LRATD1: variants seen among roughly 807,000 people sequenced by gnomAD.
LRATD1 encodes protein LRATD1.
A neutral mutation model predicts 21.3 loss-of-function variants in LRATD1; 8 were observed. The observed-to-expected ratio is 0.38, with a 90% confidence interval of 0.22 to 0.68. The LOEUF is 0.68. Ranked by LOEUF, LRATD1 falls within the 30% of genes least tolerant of loss-of-function variation. The probability of loss-of-function intolerance (pLI) is 0.54; values close to 1 mark genes in which losing one functional copy is unlikely to be tolerated. For missense variants in LRATD1, 380 were observed against 404.0 expected (o/e 0.94, Z 0.51); for synonymous variants, 210 against 186.2 (o/e 1.13, Z -1.04).
Position 14,637,402 on chromosome 2 carries a change from G to A in LRATD1, c.*2544G>A, listed in dbSNP as rs1204746457. The A allele has an allele frequency of 1.8e-5, 3 of 167,112 alleles. No homozygotes were observed. 10.4% of individuals were successfully genotyped at this position (167,112 alleles called of 1,614,324 possible). A position where few individuals can be genotyped will look rare whatever the true frequency, so the allele number is the denominator to read the frequency against. Reference sequence around the variant, plus strand: ...GGTCACTCTCATAGAGGAATGTCTTGTCAGTTTTATACTTGCTGAGGCTAG... The same window carrying A: ...GGTCACTCTCATAGAGGAATGTCTTATCAGTTTTATACTTGCTGAGGCTAG... On this transcript the variant is annotated 3_prime_UTR_variant, in exon 2 of 2. Coordinates refer to ENST00000295092, the MANE Select transcript of LRATD1 (RefSeq NM_145175.4).
In LRATD1 at chr2:14,635,929, A is replaced by T. The variant is rs1671679245; in HGVS notation, c.*1071A>T. 6.8e-6 allele frequency: 2 copies of T among 294,360 alleles called. No individual in the cohort carries two copies. The highest frequency in any genetic ancestry group is 1.4e-5 in the Non-Finnish European group (2 of 140,346). The allele number at this position is 294,360 out of a possible 1,614,324, so 18.2% of individuals were successfully genotyped here. A position where few individuals can be genotyped will look rare whatever the true frequency, so the allele number is the denominator to read the frequency against. On this transcript the variant is annotated 3_prime_UTR_variant, in exon 2 of 2. Transcript: ENST00000295092. ...GCTGGGGAAGTGGAAATAAAGTTTT[A>T]AAAATGAGAGAGCAGTTTTCCAACT...
At position 14,634,792 on chromosome 2, in the gene LRATD1, T is replaced by A; in HGVS notation, c.813T>A (p.Arg271=). ...SLEDLIREKR[R]IDASGRLRVL... is the part of the protein sequence containing the mutation. ...AAGACCTCATCCGCGAGAAGCGCCGTATCGACGCCAGCGGCCGCCTGCGAG... is the reference window on the plus strand; with the variant it reads ...AAGACCTCATCCGCGAGAAGCGCCGAATCGACGCCAGCGGCCGCCTGCGAG... Residue 271 remains arginine (R), a synonymous_variant, in exon 2 of 2, where the codon CGT becomes CGA. Coordinates refer to ENST00000295092, the MANE Select transcript of LRATD1 (RefSeq NM_145175.4). 6.2e-7 allele frequency: 1 copy of A among 1,604,702 alleles called. No homozygotes were observed. The highest frequency in any genetic ancestry group is 8.5e-7 in the Non-Finnish European group (1 of 1,174,792).
At chr2:14,644,049 T>C (rs780813849), downstream of LRATD1, among the ~76,000 whole-genome samples, 9 of 152,130 alleles carry the variant, frequency 5.9e-5, no homozygotes, top group Non-Finnish European at 8.8e-5. Context: ...ATTAATGTCC[T>C]AGTGGGAGAT....
At position 14,633,850 on chromosome 2, in the gene LRATD1, G is replaced by T. The variant is rs1671609234; in HGVS notation, c.-36-94G>T. 1 of 1,221,882 alleles carries T rather than the reference G, an allele frequency of 8.2e-7. No homozygotes were observed. The highest frequency in any genetic ancestry group is 1.5e-5 in the South Asian group (1 of 65,060). 75.7% of individuals were successfully genotyped at this position (1,221,882 alleles called of 1,614,324 possible). A position where few individuals can be genotyped will look rare whatever the true frequency, so the allele number is the denominator to read the frequency against. On this transcript the variant is annotated intron_variant, in intron 1 of 1. Transcript: ENST00000295092. This position sits in a 1 kb window ranked among gnomAD's most constrained non-coding sequence, Gnocchi z 7.5. ...TCCGGTGAGGGCACGTAAGCTAGCC[G>T]GCAGGTCCCAGGGGCACTGCACGTC...
Position 14,637,881 on chromosome 2 carries a change from T to A in LRATD1, c.*3023T>A, listed in dbSNP as rs569841289. ...GAAAAGTTTCCTAACATTTTAATAA[T>A]GTTAGGGATTTCGTTTTGGTTTTAG... is the stretch of plus-strand genomic sequence containing the variant. On this transcript the variant is annotated 3_prime_UTR_variant, in exon 2 of 2. Coordinates refer to ENST00000295092, the MANE Select transcript of LRATD1 (RefSeq NM_145175.4). 2 of 167,144 alleles carry A rather than the reference T, an allele frequency of 1.2e-5. No individual in the cohort carries two copies. Among genetic ancestry groups the A allele is most frequent in the Non-Finnish European group, 2.9e-5 (2 of 68,080 alleles). The allele number at this position is 167,144 out of a possible 1,614,324, so 10.4% of individuals were successfully genotyped here.
At chr2:14,642,215 A>T (rs918209037), downstream of LRATD1, 1 of 152,796 alleles carries the variant, frequency 6.5e-6, no homozygotes, top group African/African-American at 2.4e-5. Context: ...TTAGAAAATA[A>T]GCTGGAATGA....
At position 14,635,507 on chromosome 2, in the gene LRATD1, A is replaced by T. The variant is rs150617072; in HGVS notation, c.*649A>T. 1.5e-5 allele frequency: 7 copies of T among 471,080 alleles called. No individual in the cohort carries two copies. The highest frequency in any genetic ancestry group is 7.0e-5 in the East Asian group (1 of 14,384). 29.2% of individuals were successfully genotyped at this position (471,080 alleles called of 1,614,324 possible). On this transcript the variant is annotated 3_prime_UTR_variant, in exon 2 of 2. Coordinates refer to ENST00000295092, the MANE Select transcript of LRATD1 (RefSeq NM_145175.4). ...ACATTGTGTTCCAGGCTGCGGGCTAAGCCAGACAGTGTTTGCCTCCGGTTC... is the reference window on the plus strand; with the variant it reads ...ACATTGTGTTCCAGGCTGCGGGCTATGCCAGACAGTGTTTGCCTCCGGTTC...
chr2:14,646,189 T>C (rs568074514), exon 3 of LRATD1: 1 of 152,322 alleles, frequency 6.6e-6, no homozygotes, highest in South Asian at 2.1e-4. Context: ...AGATGAGCTC[T>C]TAATTTTTCA....
In LRATD1 at chr2:14,634,517, A is replaced by T. The variant is rs1248324080; in HGVS notation, c.538A>T (p.Ser180Cys). Residue 180 changes from serine to cysteine, a missense_variant, in exon 2 of 2, where the codon AGC becomes TGC. Transcript: ENST00000295092. ...GGCCAACGTGGGCCGGGTGGTGAAT[A>T]GCTGGTACCGCTACCGCCCGCTGGT... ...GAANVGRVVN[S>C]WYRYRPLVAE... 1 of 1,505,300 alleles carries T rather than the reference A, an allele frequency of 6.6e-7. No individual in the cohort carries two copies. The highest frequency in any genetic ancestry group is 2.3e-5 in the East Asian group (1 of 43,132). 93.2% of individuals were successfully genotyped at this position (1,505,300 alleles called of 1,614,324 possible).
chr2:14,651,042 T>C (rs1000911091), downstream of LRATD1, among the ~76,000 whole-genome samples: 1 of 152,194 alleles, frequency 6.6e-6, no homozygotes, highest in Non-Finnish European at 1.5e-5. Context: ...TTTACGATCT[T>C]AATTTCCATC....
At position 14,635,135 on chromosome 2, in the gene LRATD1, C is replaced by A; in HGVS notation, c.*277C>A. The A allele has an allele frequency of 1.4e-6, 1 of 695,942 alleles. No homozygotes were observed. Among genetic ancestry groups the A allele is most frequent in the Non-Finnish European group, 2.7e-6 (1 of 372,164 alleles). 43.1% of individuals were successfully genotyped at this position (695,942 alleles called of 1,614,324 possible). On this transcript the variant is annotated 3_prime_UTR_variant, in exon 2 of 2. Coordinates refer to ENST00000295092, the MANE Select transcript of LRATD1 (RefSeq NM_145175.4). ...TGGGAGACCCCGCGTGCGCTTTCCCCTTGAGATGTAAACCGGGAACGGGGA... is the reference window on the plus strand; with the variant it reads ...TGGGAGACCCCGCGTGCGCTTTCCCATTGAGATGTAAACCGGGAACGGGGA...
chr2:14,634,596 A>C lies in LRATD1; in HGVS notation c.617A>C (p.Glu206Ala). 6 of 1,504,524 alleles carry C rather than the reference A, an allele frequency of 4.0e-6. No individual in the cohort carries two copies. The highest frequency in any genetic ancestry group is 5.3e-6 in the Non-Finnish European group (6 of 1,123,284). The allele number at this position is 1,504,524 out of a possible 1,614,324, so 93.2% of individuals were successfully genotyped here. A position where few individuals can be genotyped will look rare whatever the true frequency, so the allele number is the denominator to read the frequency against. ...GGCCACCTGGGCCTCAAGAGCGAGGAGATCTGCTGGACGAACTCGGAGAGC... is the reference window on the plus strand; with the variant it reads ...GGCCACCTGGGCCTCAAGAGCGAGGCGATCTGCTGGACGAACTCGGAGAGC... ...ACGHLGLKSEEICWTNSESFA... is the reference protein window; with the variant it reads ...ACGHLGLKSEAICWTNSESFA... Residue 206 changes from glutamate to alanine, a missense_variant, in exon 2 of 2, where the codon GAG (glutamate) becomes GCG (alanine). Coordinates refer to ENST00000295092, the MANE Select transcript of LRATD1 (RefSeq NM_145175.4).
chr2:14,633,352 G>A lies in LRATD1; in HGVS notation c.-37+415G>A, dbSNP rs534974858. Among the ~76,000 whole-genome samples the A allele has an allele frequency of 2.6e-5, 4 of 152,308 alleles. No homozygotes were observed. Among genetic ancestry groups the A allele is most frequent in the South Asian group, 2.1e-4 (1 of 4,828 alleles). On this transcript the variant is annotated intron_variant, in intron 1 of 1. Coordinates refer to ENST00000295092, the MANE Select transcript of LRATD1 (RefSeq NM_145175.4). This position sits in a 1 kb window ranked among gnomAD's most constrained non-coding sequence, Gnocchi z 7.5. ...TCGTCGCGAAGGTTTGTCATTGTGG[G>A]TGTATGTGACATACACCAGTATACC...
Position 14,634,873 on chromosome 2 carries a change from C to A in LRATD1, c.*15C>A, listed in dbSNP as rs759586743. On this transcript the variant is annotated 3_prime_UTR_variant, in exon 2 of 2. Coordinates refer to ENST00000295092, the MANE Select transcript of LRATD1 (RefSeq NM_145175.4). ...ACAAGGAGTAGCCGCCTAGGGGCTG[C>A]CGGCCCCTCTGCCTCCCCCGCACCT... The A allele has an allele frequency of 8.1e-6, 13 of 1,602,134 alleles. No homozygotes were observed. The African/African-American group carries it at 1.7e-4, about 21-fold the overall frequency.
Position 14,635,343 on chromosome 2 carries a change from C to A in LRATD1, c.*485C>A, listed in dbSNP as rs1415141557. On this transcript the variant is annotated 3_prime_UTR_variant, in exon 2 of 2. Coordinates refer to ENST00000295092, the MANE Select transcript of LRATD1 (RefSeq NM_145175.4). ...CAGTTCAGCTCCTCTGTGGATGCGT[C>A]CCCAGATCGCAGGATTTCCAAGAAA... is the stretch of plus-strand genomic sequence containing the variant. 6 of 476,980 alleles carry A rather than the reference C, an allele frequency of 1.3e-5. No homozygotes were observed. Among genetic ancestry groups the A allele is most frequent in the African/African-American group, 1.2e-4 (6 of 50,354 alleles). The allele number at this position is 476,980 out of a possible 1,614,324, so 29.5% of individuals were successfully genotyped here.
At position 14,638,320 on chromosome 2, in the gene LRATD1, T is replaced by A. The variant is rs1330222146; in HGVS notation, c.*3462T>A. On this transcript the variant is annotated 3_prime_UTR_variant, in exon 2 of 2. Transcript: ENST00000295092. ...CAATATTTAATAATGTAAGCTGTTGTCATGACAGTATTTTTTAAAAATAAT... is the reference window on the plus strand; with the variant it reads ...CAATATTTAATAATGTAAGCTGTTGACATGACAGTATTTTTTAAAAATAAT... 1.2e-5 allele frequency: 2 copies of A among 166,836 alleles called. No homozygotes were observed. The highest frequency in any genetic ancestry group is 4.8e-5 in the African/African-American group (2 of 41,406). The allele number at this position is 166,836 out of a possible 1,614,324, so 10.3% of individuals were successfully genotyped here.
At chr2:14,644,588 G>A (rs1671864058), downstream of LRATD1, among the ~76,000 whole-genome samples, 1 of 152,144 alleles carries the variant, frequency 6.6e-6, no homozygotes, top group African/African-American at 2.4e-5. Flanking sequence ...ACCTCCCAGT[G>A]TATACTTGTA....
At chr2:14,646,817 C>A (rs1671903759) in intron 4 of LRATD1, among the ~76,000 whole-genome samples, 1 of 152,162 alleles carries the variant, frequency 6.6e-6, no homozygotes, top group Non-Finnish European at 1.5e-5. Context: ...CCATGAGATG[C>A]TGCAGTAAAA....
exon 6 of LRATD1, chr2:14,649,562 G>T (rs983646836): frequency 2.6e-5 from 9 of 339,800 alleles, no homozygotes; most frequent in Non-Finnish European, 4.7e-5. Context: ...CGGGAGCATA[G>T]GCTAATCCTG....
Sources: gnomAD v4.1 joint callset for allele counts (sites outside exome capture counted in the v4.1 genomes callset) on GRCh38, gnomAD v4.1.1 for gene constraint, Gnocchi (gnomAD v3.1) non-coding constraint, MANE v1.5 for transcripts, NCBI Gene and HGNC (gene_info 2026-07-23, HGNC 2026-07-21) for gene names.